MIGA1: variants seen among roughly 807,000 people sequenced by gnomAD.
MIGA1 encodes the protein family with sequence similarity 73, member A.
A neutral mutation model predicts 82.0 loss-of-function variants in MIGA1; 58 were observed. That is an observed-to-expected ratio of 0.71 (90% CI 0.57 to 0.88). The LOEUF is 0.88. Ranked by LOEUF, MIGA1 falls within the 40% of genes least tolerant of loss-of-function variation. The probability of loss-of-function intolerance (pLI) is 0.00; values close to 1 mark genes in which losing one functional copy is unlikely to be tolerated. For synonymous variants in MIGA1, 249 were observed against 253.6 expected, an observed-to-expected ratio of 0.98 and a Z score of 0.17; for missense variants, 751 against 749.1, an observed-to-expected ratio of 1.00 and a Z score of -0.03.
Position 77,837,143 on chromosome 1 carries a change from A to G in MIGA1, c.896-6164A>G, listed in dbSNP as rs536072960. Among the ~76,000 whole-genome samples, 106 of 152,318 alleles carry G rather than the reference A, an allele frequency of 7.0e-4. 1 individual carries two copies. Among genetic ancestry groups the G allele is most frequent in the Admixed American group, 2.0e-3 (30 of 15,298 alleles). On this transcript the variant is annotated intron_variant, in intron 7 of 15. Coordinates refer to ENST00000370791, the MANE Select transcript of MIGA1 (RefSeq NM_198549.4). ...AACAGCAATGTCCAATAGAAATATA[A>G]TGTGAGCCACAAATGTAATTTTAAA...
chr1:77,782,553 C>T (rs1681969035), intron 1 of MIGA1, among the ~76,000 whole-genome samples: 2 of 152,134 alleles, frequency 1.3e-5, no homozygotes, highest in African/African-American at 4.8e-5. Flanking sequence ...ACGTTTCTGG[C>T]TCTATAAAGC....
intron 8 of MIGA1, among the ~76,000 whole-genome samples, chr1:77,853,187 GA>G (rs1426550173): frequency 3.9e-5 from 6 of 152,156 alleles, no homozygotes; most frequent in Non-Finnish European, 1.5e-5. Context: ...TCAGAATTCT[GA>G]AAATGGATAA....
At chr1:77,811,744 C>T in intron 5 of MIGA1, 4 of 1,609,486 alleles carry the variant, frequency 2.5e-6, no homozygotes, top group East Asian at 2.2e-5. Flanking sequence ...AAAACTGGCG[C>T]CCCAGCGCTG....
chr1:77,852,089 T>A (rs1685077331), intron 8 of MIGA1, among the ~76,000 whole-genome samples: 1 of 152,068 alleles, frequency 6.6e-6, no homozygotes, highest in South Asian at 2.1e-4. Flanking sequence ...TTCGCCATCA[T>A]GGCCAGGCTG....
At chr1:77,779,846 A>G (rs544005010) in intron 1 of MIGA1, 110 bp downstream of exon 1, 56 of 1,434,224 alleles carry the variant, frequency 3.9e-5, no homozygotes, top group South Asian at 3.8e-4. Flanking sequence ...CGCGGACTCC[A>G]TCGCTGGCGT....
intron 3 of MIGA1, among the ~76,000 whole-genome samples, chr1:77,802,992 T>TA (rs2101753823): frequency 6.6e-6 from 1 of 152,302 alleles, no homozygotes; most frequent in South Asian, 2.1e-4. Context: ...TTATACTGGT[T>TA]ACAATAGACC....
chr1:77,791,535 A>G (rs1682424466), intron 2 of MIGA1, among the ~76,000 whole-genome samples: 1 of 151,086 alleles, frequency 6.6e-6, no homozygotes, highest in African/African-American at 2.4e-5. Context: ...TTTCTGGGAT[A>G]AATGCTCAGA....
At position 77,843,301 on chromosome 1, in the gene MIGA1, TTTAAG is replaced by T. The variant is rs765806343; in HGVS notation, c.896-5_896-1del. ...CTTTCTGAACTTTTCACCTTTTACT[TTTAAG>T]ATAAAGATACAGATATCACCATGAA... On this transcript the variant is annotated splice_acceptor_variant and splice_polypyrimidine_tract_variant and intron_variant, in intron 7 of 15. Transcript: ENST00000370791. LOFTEE classifies it high-confidence loss of function. The T allele has an allele frequency of 1.1e-5, 18 of 1,599,450 alleles. No individual in the cohort carries two copies. The Admixed American group carries it at 1.5e-4, about 13-fold the overall frequency.
intron 7 of MIGA1, among the ~76,000 whole-genome samples, chr1:77,823,804 T>C (rs750926801): frequency 3.5e-4 from 53 of 152,172 alleles, no homozygotes; most frequent in Non-Finnish European, 6.8e-4. Flanking sequence ...AAAAGTTCTT[T>C]AAAGAATCAC....
chr1:77,793,641 TG>T (rs1338960389), intron 2 of MIGA1, among the ~76,000 whole-genome samples: 35 of 150,896 alleles, frequency 2.3e-4, no homozygotes, highest in African/African-American at 8.3e-4. Flanking sequence ...TTTTTTTTTT[TG>T]TATTTTTAAT....
At chr1:77,841,157 T>G (rs1557922232) in intron 7 of MIGA1, among the ~76,000 whole-genome samples, 1 of 152,164 alleles carries the variant, frequency 6.6e-6, no homozygotes, top group East Asian at 1.9e-4. Flanking sequence ...AATATTTTTA[T>G]AATGGAATAA....
At chr1:77,818,030 A>G (rs1182074656) in intron 7 of MIGA1, among the ~76,000 whole-genome samples, 3 of 141,608 alleles carry the variant, frequency 2.1e-5, no homozygotes, top group African/African-American at 5.3e-5. Context: ...ATCTCAGCTT[A>G]CTACAGCCTC....
chr1:77,807,334 A>T (rs946750191), intron 5 of MIGA1, among the ~76,000 whole-genome samples: 9 of 151,804 alleles, frequency 5.9e-5, no homozygotes, highest in East Asian at 1.9e-4. Flanking sequence ...GCTAATTTTT[A>T]AAAAAAATTT....
At chr1:77,859,632 T>G in intron 10 of MIGA1, 1 of 450,400 alleles carries the variant, frequency 2.2e-6, no homozygotes, top group Non-Finnish European at 3.9e-6. Flanking sequence ...ATTTTGATAC[T>G]TCAGGAGTGT....
chr1:77,817,740 A>G (rs932249700), intron 7 of MIGA1, among the ~76,000 whole-genome samples: 4 of 152,160 alleles, frequency 2.6e-5, no homozygotes, highest in Non-Finnish European at 4.4e-5. Context: ...TAAATCCAAA[A>G]TCATTGTATA....
intron 7 of MIGA1, among the ~76,000 whole-genome samples, chr1:77,819,816 A>C (rs536124573): frequency 6.6e-6 from 1 of 152,234 alleles, no homozygotes; most frequent in East Asian, 1.9e-4. Flanking sequence ...TCCTTGGCTC[A>C]AATGATCCAC....
At position 77,875,031 on chromosome 1, in the gene MIGA1, G is replaced by A. The variant is rs1354057816; in HGVS notation, c.1866G>A (p.Met622Ile). The A allele has an allele frequency of 6.2e-7, 1 of 1,614,106 alleles. No homozygotes were observed. The highest frequency in any genetic ancestry group is 8.5e-7 in the Non-Finnish European group (1 of 1,179,994). The stretch of plus-strand genomic sequence containing the variant: ...GTCTAAGCAGTCATGGTCATGTTAT[G>A]TCCACTGGGCTACTGGAAGCCAAAG... The change falls in exon 16 of 16, where the codon ATG becomes ATA. Residue 622 changes from methionine to isoleucine, a missense_variant. Physicochemically the swap from Met to Ile is conservative, Grantham distance 10. This residue lies in a region of MIGA1 where 265 missense variants were observed against 293.6 expected (regional missense o/e 0.90). Transcript: ENST00000370791.
intron 8 of MIGA1, among the ~76,000 whole-genome samples, chr1:77,845,220 A>G (rs1000594457): frequency 6.6e-6 from 1 of 152,120 alleles, no homozygotes; most frequent in Non-Finnish European, 1.5e-5. Context: ...TTTTCCACTT[A>G]TAAGTTTGCA....
intron 7 of MIGA1, among the ~76,000 whole-genome samples, chr1:77,828,707 C>T (rs1413386819): frequency 6.6e-6 from 1 of 152,186 alleles, no homozygotes; most frequent in African/African-American, 2.4e-5. Context: ...GGGTCTCACT[C>T]TGTCACCCAG....
Sources: gnomAD v4.1 joint callset for allele counts (sites outside exome capture counted in the v4.1 genomes callset) on GRCh38, gnomAD v4.1.1 for gene constraint, gnomAD v4.1.1 regional missense constraint, MANE v1.5 for transcripts, NCBI Gene and HGNC (gene_info 2026-07-23, HGNC 2026-07-21) for gene names.